Variants in XPR1 observed in about 807,000 individuals in gnomAD.
XPR1 encodes the protein xenotropic and polytropic retrovirus receptor 1, also known as solute carrier family 53 member 1.
XPR1 carries 28 observed loss-of-function variants against 87.5 expected under a neutral mutation model. That is an observed-to-expected ratio of 0.32 (90% CI 0.24 to 0.44). The LOEUF (loss-of-function observed/expected upper bound fraction) is 0.44, where lower values mean the gene tolerates loss of function less well. Among genes scored for constraint, XPR1 ranks in the 20% least tolerant of loss-of-function variants. XPR1 has a pLI of 1.00. For synonymous variants in XPR1, 300 were observed against 306.1 expected (o/e 0.98, Z 0.21); for missense variants, 559 against 862.3 (o/e 0.65, Z 4.41).
chr1:180,849,938 C>G (rs1312491450), intron 11 of XPR1, among the ~76,000 whole-genome samples: 1 of 152,166 alleles, frequency 6.6e-6, no homozygotes, highest in Non-Finnish European at 1.5e-5. Context: ...GAGTTCCCCA[C>G]CAACAAAAAG....
intron 2 of XPR1, among the ~76,000 whole-genome samples, chr1:180,760,878 A>G (rs560102889): frequency 5.2e-4 from 79 of 152,130 alleles, no homozygotes; most frequent in South Asian, 3.1e-3. Context: ...CTACAAGGCT[A>G]CAGTAACCAA....
chr1:180,844,878 C>T (rs1444841783), intron 11 of XPR1, among the ~76,000 whole-genome samples: 3 of 152,190 alleles, frequency 2.0e-5, no homozygotes, highest in Non-Finnish European at 4.4e-5. Flanking sequence ...ATCTGCTATC[C>T]TCCAAAGGCC....
chr1:180,646,982 G>T (rs1229608533), intron 1 of XPR1, among the ~76,000 whole-genome samples: 1 of 152,148 alleles, frequency 6.6e-6, no homozygotes, highest in Non-Finnish European at 1.5e-5. Context: ...GATTTATTAT[G>T]GTCTCTGTGC....
intron 1 of XPR1, among the ~76,000 whole-genome samples, chr1:180,666,472 C>T (rs1326805353): frequency 6.6e-6 from 1 of 152,086 alleles, no homozygotes; most frequent in Non-Finnish European, 1.5e-5. Flanking sequence ...GCAACATTTT[C>T]TTCTTTATAT....
intron 6 of XPR1, among the ~76,000 whole-genome samples, chr1:180,808,039 G>T (rs1650064875): frequency 6.6e-6 from 1 of 152,054 alleles, no homozygotes; most frequent in Non-Finnish European, 1.5e-5. Flanking sequence ...ACCTAGAATA[G>T]CCAAAGCAAC....
intron 2 of XPR1, among the ~76,000 whole-genome samples, chr1:180,755,816 G>T (rs550594690): frequency 9.9e-5 from 15 of 151,790 alleles, no homozygotes; most frequent in South Asian, 2.1e-4. Flanking sequence ...TTTATTGAAT[G>T]ACTTTGCATA....
chr1:180,662,535 T>C (rs1351024352), intron 1 of XPR1, among the ~76,000 whole-genome samples: 1 of 152,186 alleles, frequency 6.6e-6, no homozygotes, highest in African/African-American at 2.4e-5. Flanking sequence ...TTCTTTTCTC[T>C]TGCTGCTTTT....
rs567360324 is a variant in XPR1 at position 180,847,896 on chromosome 1, C to T, written c.1501+11180C>T. On this transcript the variant is annotated intron_variant, in intron 11 of 14. Coordinates refer to ENST00000367590, the MANE Select transcript of XPR1 (RefSeq NM_004736.4). Reference sequence around the variant, plus strand: ...ACAAGTGAAACTTTGTAAAACCTTTCAAACCTTCAAGGAATGGTTTGTGCC... The same window carrying T: ...ACAAGTGAAACTTTGTAAAACCTTTTAAACCTTCAAGGAATGGTTTGTGCC... 2.6e-5 allele frequency among the ~76,000 whole-genome samples: 4 copies of T among 152,230 alleles called. No individual in the cohort carries two copies. In the South Asian group the frequency reaches 8.3e-4, roughly 32 times the overall value.
chr1:180,725,719 T>G (rs1435988263), intron 2 of XPR1, among the ~76,000 whole-genome samples: 1 of 152,204 alleles, frequency 6.6e-6, no homozygotes, highest in Non-Finnish European at 1.5e-5. Context: ...AACACTTTTG[T>G]TGTAAGTAAA....
intron 7 of XPR1, among the ~76,000 whole-genome samples, chr1:180,818,502 A>G (rs925398060): frequency 3.3e-5 from 5 of 152,134 alleles, no homozygotes; most frequent in Non-Finnish European, 5.9e-5. Context: ...AGAAAAACCA[A>G]TTTATAGTGT....
chr1:180,769,368 T>C (rs893635848), intron 2 of XPR1, among the ~76,000 whole-genome samples: 65 of 150,710 alleles, frequency 4.3e-4, no homozygotes, highest in Non-Finnish European at 7.1e-4. Flanking sequence ...TTCTGTTTTT[T>C]TGTGTTTTTT....
At chr1:180,771,574 G>A (rs1648515255) in intron 2 of XPR1, among the ~76,000 whole-genome samples, 2 of 151,978 alleles carry the variant, frequency 1.3e-5, no homozygotes, top group African/African-American at 2.4e-5. Context: ...AGGATCTCAC[G>A]TTGCATTTGG....
chr1:180,727,647 A>AAACC (rs1279834474), intron 2 of XPR1, among the ~76,000 whole-genome samples: 2 of 152,198 alleles, frequency 1.3e-5, no homozygotes, highest in Non-Finnish European at 2.9e-5. Flanking sequence ...TCCATCTCAA[A>AAACC]AACCAACCAA....
intron 2 of XPR1, among the ~76,000 whole-genome samples, chr1:180,716,246 C>T (rs1004844978): frequency 6.6e-6 from 1 of 151,848 alleles, no homozygotes; most frequent in Non-Finnish European, 1.5e-5. Context: ...TGCCACCATG[C>T]CTGGCTAGTT....
At chr1:180,803,153 T>C (rs2102117481) in intron 3 of XPR1, among the ~76,000 whole-genome samples, 1 of 152,356 alleles carries the variant, frequency 6.6e-6, no homozygotes, top group South Asian at 2.1e-4. Flanking sequence ...TCTTAGTGGC[T>C]CTTTACATTT....
At chr1:180,835,758 A>T (rs1571882006) in intron 10 of XPR1, among the ~76,000 whole-genome samples, 1 of 152,188 alleles carries the variant, frequency 6.6e-6, no homozygotes, top group South Asian at 2.1e-4. Context: ...GTTTAAAAAA[A>T]GAGGGGAGGT....
intron 1 of XPR1, among the ~76,000 whole-genome samples, chr1:180,659,381 GTCCTTCCT>G (rs1169616821): frequency 0.18 from 10,125 of 55,164 alleles, 1,172 homozygotes; most frequent in East Asian, 0.35. Context: ...CCGTCCTTCC[GTCCTTCCT>G]TCCTTCCTTC....
At chr1:180,660,565 A>G (rs994549255) in intron 1 of XPR1, among the ~76,000 whole-genome samples, 8 of 149,844 alleles carry the variant, frequency 5.3e-5, no homozygotes, top group Admixed American at 6.7e-5. Flanking sequence ...ATTTGTTTCA[A>G]TAAATTTTTC....
chr1:180,656,787 G>A (rs934187838), intron 1 of XPR1, among the ~76,000 whole-genome samples: 4 of 147,202 alleles, frequency 2.7e-5, no homozygotes, highest in African/African-American at 5.0e-5. Context: ...TGTGAACAGT[G>A]CTGCAACAAA....
Sources: gnomAD v4.1 joint callset for allele counts (sites outside exome capture counted in the v4.1 genomes callset) on GRCh38, gnomAD v4.1.1 for gene constraint, MANE v1.5 for transcripts, NCBI Gene and HGNC (gene_info 2026-07-23, HGNC 2026-07-21) for gene names.